The following LINC00305 variants were observed in gnomAD, a reference collection of about 807,000 sequenced individuals.
LINC00305 encodes the protein long independently transcribed non-coding RNA 305.
At chr18:64,099,554 A>G (rs1173027026) in intron 1 of LINC00305, among the ~76,000 whole-genome samples, 2 of 152,172 alleles carry the variant, frequency 1.3e-5, no homozygotes, top group Admixed American at 1.3e-4. Context: ...CACTCCTGAA[A>G]ATAAAAATCT....
At chr18:64,134,997 A>C (rs2051425906) in intron 1 of LINC00305, among the ~76,000 whole-genome samples, 1 of 152,196 alleles carries the variant, frequency 6.6e-6, no homozygotes, top group South Asian at 2.1e-4. Context: ...TTGAACAACC[A>C]AAGTTTATTG....
chr18:64,146,350 A>G (rs1042648605), intron 1 of LINC00305, among the ~76,000 whole-genome samples: 1 of 152,214 alleles, frequency 6.6e-6, no homozygotes, highest in African/African-American at 2.4e-5. Flanking sequence ...TAAAACTGTA[A>G]CCGTATTTTA....
At chr18:64,141,695 G>A (rs772762638) in intron 1 of LINC00305, among the ~76,000 whole-genome samples, 4 of 152,194 alleles carry the variant, frequency 2.6e-5, no homozygotes, top group Non-Finnish European at 4.4e-5. Flanking sequence ...TCTCTTGTAT[G>A]TACTGGAACT....
chr18:64,088,331 C>T (rs2051212125), intron 3 of LINC00305, among the ~76,000 whole-genome samples: 1 of 152,160 alleles, frequency 6.6e-6, no homozygotes, highest in Non-Finnish European at 1.5e-5. Context: ...ATTTCTTCTC[C>T]CACCATCCTG....
intron 1 of LINC00305, among the ~76,000 whole-genome samples, chr18:64,136,861 C>T (rs76070638): frequency 1.7e-3 from 257 of 151,958 alleles, no homozygotes; most frequent in Middle Eastern, 3.4e-3. Context: ...GTGTAGGGCA[C>T]GCTGGACTGA....
At chr18:64,111,180 A>T (rs1441395300) in intron 1 of LINC00305, among the ~76,000 whole-genome samples, 1 of 152,248 alleles carries the variant, frequency 6.6e-6, no homozygotes, top group Non-Finnish European at 1.5e-5. Flanking sequence ...TTTCATCAGG[A>T]TGGTTGCCTT....
At chr18:64,117,546 A>C (rs2051343161) in intron 1 of LINC00305, among the ~76,000 whole-genome samples, 2 of 152,184 alleles carry the variant, frequency 1.3e-5, no homozygotes, top group Admixed American at 6.5e-5. Flanking sequence ...TGTAAGTTAC[A>C]TTTCAAGCTT....
chr18:64,081,519 C>G (rs533597589), intron 3 of LINC00305, among the ~76,000 whole-genome samples: 4 of 152,120 alleles, frequency 2.6e-5, no homozygotes, highest in Admixed American at 1.3e-4. Context: ...CAAAAGATAC[C>G]AACATTAGTA....
intron 1 of LINC00305, among the ~76,000 whole-genome samples, chr18:64,125,438 C>G (rs1441272415): frequency 1.3e-5 from 2 of 152,130 alleles, no homozygotes; most frequent in Admixed American, 1.3e-4. Flanking sequence ...GATTATTACT[C>G]TTATCTTAAT....
intron 2 of LINC00305, chr18:64,098,125 G>A (rs929435869): frequency 2.7e-6 from 1 of 374,500 alleles, no homozygotes; most frequent in African/African-American, 2.1e-5. Context: ...GTCCATTAAA[G>A]ATAATACTAG....
intron 1 of LINC00305, among the ~76,000 whole-genome samples, chr18:64,125,677 A>G (rs372289392): frequency 1.3e-5 from 2 of 151,802 alleles, no homozygotes; most frequent in Non-Finnish European, 2.9e-5. Context: ...CCTTTCCTCA[A>G]TCCTTTTACA....
chr18:64,099,739 C>A (rs2051260899), intron 1 of LINC00305, among the ~76,000 whole-genome samples: 1 of 152,026 alleles, frequency 6.6e-6, no homozygotes, highest in Admixed American at 6.6e-5. Context: ...GTACTGGGAT[C>A]CTCGTTTCTC....
At chr18:64,099,079 A>T (rs2051258228) in intron 1 of LINC00305, among the ~76,000 whole-genome samples, 1 of 152,118 alleles carries the variant, frequency 6.6e-6, no homozygotes, top group African/African-American at 2.4e-5. Context: ...ATTCCTGTTG[A>T]CCTTCTCCTT....
intron 1 of LINC00305, among the ~76,000 whole-genome samples, chr18:64,144,599 C>G (rs1043868224): frequency 6.6e-6 from 1 of 152,050 alleles, no homozygotes. Flanking sequence ...ACCTCTGCCT[C>G]CAAGGTTCAA....
chr18:64,123,665 T>C (rs1336323604), intron 1 of LINC00305, among the ~76,000 whole-genome samples: 3 of 152,098 alleles, frequency 2.0e-5, no homozygotes, highest in Non-Finnish European at 4.4e-5. Context: ...TATACGTTAA[T>C]GCATTATCAT....
intron 1 of LINC00305, among the ~76,000 whole-genome samples, chr18:64,121,311 T>TAAC (rs2051361069): frequency 6.6e-6 from 1 of 152,006 alleles, no homozygotes; most frequent in Non-Finnish European, 1.5e-5. Context: ...TAACGTACGC[T>TAAC]GTACCCCAAA....
At chr18:64,099,258 C>T (rs772784636) in intron 1 of LINC00305, among the ~76,000 whole-genome samples, 1 of 152,138 alleles carries the variant, frequency 6.6e-6, no homozygotes, top group Non-Finnish European at 1.5e-5. Context: ...ACATTTCATA[C>T]ATGTGTACTC....
chr18:64,091,232 C>T (rs2051223730), intron 3 of LINC00305, among the ~76,000 whole-genome samples: 13 of 152,210 alleles, frequency 8.5e-5, no homozygotes, highest in Admixed American at 8.5e-4. Flanking sequence ...TGTCTGCCCC[C>T]TGCTTACTGA....
chr18:64,111,744 TGAGTC>T (rs1482557819), intron 1 of LINC00305, among the ~76,000 whole-genome samples: 2 of 152,166 alleles, frequency 1.3e-5, no homozygotes, highest in African/African-American at 4.8e-5. Flanking sequence ...TCAACCTGCC[TGAGTC>T]AAGTCGTCCA....
Sources: allele counts gnomAD v4.1 joint callset (sites outside exome capture counted in the v4.1 genomes callset), GRCh38; gene constraint gnomAD v4.1.1; transcripts MANE v1.5; gene names NCBI Gene and HGNC (gene_info 2026-07-23, HGNC 2026-07-21).